The following ALG6 variants were observed in gnomAD, a reference collection of about 807,000 sequenced individuals.
ALG6 encodes dolichyl pyrophosphate Man9GlcNAc2 alpha-1,3-glucosyltransferase.
Under a neutral mutation model 66.6 loss-of-function variants are expected in ALG6, and 46 were observed. The observed-to-expected ratio is 0.69, with a 90% confidence interval of 0.55 to 0.88. ALG6 has a LOEUF of 0.88. Ranked by LOEUF, ALG6 falls within the 40% of genes least tolerant of loss-of-function variation. The pLI is 0.00. For missense variants in ALG6, 505 were observed against 586.8 expected (o/e 0.86, Z 1.44); for synonymous variants, 185 against 203.7 (o/e 0.91, Z 0.78).
rs1324218364 is a variant in ALG6, at chr1:63,374,974, C to CTGA, written c.82+3916_82+3918dup. On this transcript the variant is annotated intron_variant, in intron 2 of 14. Transcript: ENST00000263440. ...CTTGTAATTCTAGCGCTTTGGGAGGCTGAGGCAGGGGGATCACTTGAGGTC... is the reference window on the plus strand; with the variant it reads ...CTTGTAATTCTAGCGCTTTGGGAGGCTGATGAGGCAGGGGGATCACTTGAGGTC... Among the ~76,000 whole-genome samples, 11 of 152,122 alleles carry CTGA rather than the reference C, an allele frequency of 7.2e-5. No individual in the cohort carries two copies. The East Asian group carries it at 1.9e-3, about 27-fold the overall frequency.
chr1:63,402,835 G>A (rs1047983188), intron 4 of ALG6, among the ~76,000 whole-genome samples: 2 of 150,232 alleles, frequency 1.3e-5, no homozygotes, highest in South Asian at 2.2e-4. Context: ...GGTGGCTCAC[G>A]CCTGTAATCC....
chr1:63,396,156 G>A (rs1299716538), intron 2 of ALG6, among the ~76,000 whole-genome samples: 1 of 152,166 alleles, frequency 6.6e-6, no homozygotes, highest in Non-Finnish European at 1.5e-5. Flanking sequence ...ACTGAGGGAT[G>A]ATTGTAATGT....
intron 2 of ALG6, among the ~76,000 whole-genome samples, chr1:63,383,340 G>A (rs998154868): frequency 1.3e-5 from 2 of 151,120 alleles, no homozygotes; most frequent in Non-Finnish European, 3.0e-5. Context: ...GTCCAGGCTG[G>A]TCTTGAACTC....
chr1:63,381,591 G>A (rs1032197471), intron 2 of ALG6, among the ~76,000 whole-genome samples: 1 of 151,780 alleles, frequency 6.6e-6, no homozygotes, highest in South Asian at 2.1e-4. Context: ...GCCGCAGTGA[G>A]CCGTGATCAC....
At position 63,402,370 on chromosome 1, in the gene ALG6, C is replaced by G. The variant is rs767090185; in HGVS notation, c.257+27C>G. ...TAAGTTTTTCTTTCTTAATGTAACT[C>G]TAAATTTTTATGCCCTTGGCAGATT... On this transcript the variant is annotated intron_variant, in intron 4 of 14. Transcript: ENST00000263440. 2.6e-6 allele frequency: 4 copies of G among 1,512,632 alleles called. No individual in the cohort carries two copies. The African/African-American group carries it at 5.5e-5, about 21-fold the overall frequency. The allele number at this position is 1,512,632 out of a possible 1,614,324, so 93.7% of individuals were successfully genotyped here. A position where few individuals can be genotyped will look rare whatever the true frequency, so the allele number is the denominator to read the frequency against.
intron 12 of ALG6, among the ~76,000 whole-genome samples, chr1:63,425,060 G>A (rs1435796130): frequency 4.6e-5 from 7 of 152,170 alleles, no homozygotes; most frequent in Admixed American, 1.3e-4. Flanking sequence ...GATTACAGGC[G>A]TGAGCCACTG....
At chr1:63,397,392 G>T (rs1648858652) in intron 3 of ALG6, among the ~76,000 whole-genome samples, 1 of 151,920 alleles carries the variant, frequency 6.6e-6, no homozygotes, top group South Asian at 2.1e-4. Context: ...TCACCATCTT[G>T]GCCAGGCTGG....
chr1:63,422,017 T>C (rs1199357321), intron 12 of ALG6, among the ~76,000 whole-genome samples: 1 of 141,290 alleles, frequency 7.1e-6, no homozygotes, highest in Non-Finnish European at 1.5e-5. Context: ...TTAAAGTATA[T>C]ATATATACAT....
At chr1:63,436,052 C>T (rs1013514928) in intron 14 of ALG6, among the ~76,000 whole-genome samples, 2 of 152,136 alleles carry the variant, frequency 1.3e-5, no homozygotes, top group African/African-American at 2.4e-5. Context: ...CTTTCATGTG[C>T]CTTCGTGTGC....
At chr1:63,424,510 C>G (rs1644605010) in intron 12 of ALG6, among the ~76,000 whole-genome samples, 2 of 151,870 alleles carry the variant, frequency 1.3e-5, no homozygotes, top group South Asian at 2.1e-4. Context: ...TGGGTACTAG[C>G]CTTTATCAGA....
chr1:63,395,878 T>C (rs967082741), intron 2 of ALG6, among the ~76,000 whole-genome samples: 1 of 152,198 alleles, frequency 6.6e-6, no homozygotes, highest in East Asian at 1.9e-4. Context: ...ATTGAAAATA[T>C]TCGGGAAATA....
At chr1:63,385,134 A>T in intron 2 of ALG6, among the ~76,000 whole-genome samples, 1 of 124,440 alleles carries the variant, frequency 8.0e-6, no homozygotes, top group African/African-American at 3.0e-5. Context: ...ATTTTTTTGA[A>T]TTTCTTTCAT....
At chr1:63,422,154 AAT>A (rs199853273) in intron 12 of ALG6, among the ~76,000 whole-genome samples, 68,647 of 108,458 alleles carry the variant, frequency 0.63, 22,331 homozygotes, top group East Asian at 0.85. Context: ...TATAAATATA[AAT>A]ATATATATAA....
At chr1:63,406,454 T>G in intron 6 of ALG6, 55 bp downstream of exon 6, 1 of 1,448,296 alleles carries the variant, frequency 6.9e-7, no homozygotes, top group Non-Finnish European at 9.7e-7. Flanking sequence ...TTTATTAGTC[T>G]AACTATTAAG....
intron 3 of ALG6, among the ~76,000 whole-genome samples, chr1:63,397,945 A>G (rs1644416752): frequency 6.6e-6 from 1 of 152,222 alleles, no homozygotes; most frequent in South Asian, 2.1e-4. Flanking sequence ...CTAGCATGTA[A>G]CGAACTCTCA....
At chr1:63,381,856 C>T (rs868426714) in intron 2 of ALG6, among the ~76,000 whole-genome samples, 1 of 152,064 alleles carries the variant, frequency 6.6e-6, no homozygotes, top group South Asian at 2.1e-4. Context: ...TTTTTGGTAT[C>T]CTAATTTGTA....
chr1:63,415,765 TAA>T (rs1644543106), intron 10 of ALG6, 106 bp from the exon 11 acceptor site: 4 of 658,852 alleles, frequency 6.1e-6, no homozygotes, highest in East Asian at 3.0e-5. Context: ...GAAATAAACT[TAA>T]GTTGATAAAT....
intron 12 of ALG6, among the ~76,000 whole-genome samples, chr1:63,422,401 CTATATAAATATAAATATA>C (rs1487661811): frequency 2.3e-4 from 13 of 57,408 alleles, no homozygotes; most frequent in African/African-American, 9.4e-4. Context: ...AAATATATAT[CTATATAAATATAAATATA>C]TATATAAATA....
At chr1:63,369,164 A>G (rs1415624606) in intron 1 of ALG6, among the ~76,000 whole-genome samples, 1 of 152,220 alleles carries the variant, frequency 6.6e-6, no homozygotes, top group African/African-American at 2.4e-5. Flanking sequence ...AGTGAAAAGA[A>G]TTAGGAAGCA....
Sources: allele counts gnomAD v4.1 joint callset (sites outside exome capture counted in the v4.1 genomes callset), GRCh38; gene constraint gnomAD v4.1.1; transcripts MANE v1.5; gene names NCBI Gene and HGNC (gene_info 2026-07-23, HGNC 2026-07-21).